The following PARD3 variants were observed in gnomAD, a reference collection of about 807,000 sequenced individuals.
PARD3 encodes the protein partitioning defective 3 homolog.
A neutral mutation model predicts 155.4 loss-of-function variants in PARD3; 75 were observed. The ratio of observed to expected loss-of-function variants is 0.48; its 90% confidence interval spans 0.40 to 0.58. PARD3 has a LOEUF of 0.58. Ranked by LOEUF, PARD3 falls within the 20% of genes least tolerant of loss-of-function variation. The pLI is 0.00. For synonymous variants in PARD3, 576 were observed against 610.5 expected, an observed-to-expected ratio of 0.94 and a Z score of 0.83; for missense variants, 1,642 against 1,721.7, an observed-to-expected ratio of 0.95 and a Z score of 0.82.
At chr10:34,638,731 A>T (rs2092569175) in intron 2 of PARD3, among the ~76,000 whole-genome samples, 1 of 152,206 alleles carries the variant, frequency 6.6e-6, no homozygotes, top group Non-Finnish European at 1.5e-5. Flanking sequence ...AAAACAGCTC[A>T]ACTATTTATC....
intron 3 of PARD3, among the ~76,000 whole-genome samples, chr10:34,510,660 A>G (rs1057003187): frequency 2.0e-5 from 3 of 152,102 alleles, no homozygotes; most frequent in South Asian, 4.1e-4. Flanking sequence ...CCTTCAAACT[A>G]CTAAGAAGTG....
intron 5 of PARD3, among the ~76,000 whole-genome samples, chr10:34,447,574 G>A (rs911256496): frequency 1.0e-4 from 15 of 148,830 alleles, no homozygotes; most frequent in Admixed American, 1.4e-4. Context: ...AGGCCGAGGC[G>A]GGCAGATCAT....
At chr10:34,303,529 A>G (rs1013035739) in intron 20 of PARD3, among the ~76,000 whole-genome samples, 16 of 152,240 alleles carry the variant, frequency 1.1e-4, no homozygotes, top group South Asian at 6.2e-4. Flanking sequence ...TTTAAAAAGG[A>G]AAGAAATCTG....
intron 3 of PARD3, among the ~76,000 whole-genome samples, chr10:34,513,882 G>T (rs538876235): frequency 6.6e-6 from 1 of 152,132 alleles, no homozygotes; most frequent in African/African-American, 2.4e-5. Context: ...AACTCCACCA[G>T]TTGTCACAAC....
chr10:34,775,012 C>T (rs985797017), intron 1 of PARD3, among the ~76,000 whole-genome samples: 1 of 152,100 alleles, frequency 6.6e-6, no homozygotes, highest in African/African-American at 2.4e-5. Flanking sequence ...CTGAAGTCAC[C>T]GCTGTGAAAA....
At chr10:34,250,670 A>C (rs1004555128) in intron 22 of PARD3, among the ~76,000 whole-genome samples, 2 of 84,200 alleles carry the variant, frequency 2.4e-5, no homozygotes, top group African/African-American at 3.0e-4. Context: ...GCTGGAAATA[A>C]AAAAAAAAAA....
chr10:34,752,445 A>G (rs1165634017), intron 1 of PARD3, among the ~76,000 whole-genome samples: 1 of 152,124 alleles, frequency 6.6e-6, no homozygotes, highest in Non-Finnish European at 1.5e-5. Context: ...CTACTGCACT[A>G]CTAACACAGT....
chr10:34,432,827 A>C (rs969923099), intron 5 of PARD3, among the ~76,000 whole-genome samples: 1 of 152,170 alleles, frequency 6.6e-6, no homozygotes, highest in East Asian at 1.9e-4. Flanking sequence ...AAGTAACATA[A>C]AAGTTCACCA....
At chr10:34,555,310 T>C (rs750773966) in intron 2 of PARD3, among the ~76,000 whole-genome samples, 15 of 152,162 alleles carry the variant, frequency 9.9e-5, no homozygotes, top group Non-Finnish European at 1.9e-4. Context: ...TTAAGGCCCT[T>C]TGAATGTTAC....
intron 21 of PARD3, among the ~76,000 whole-genome samples, chr10:34,271,175 T>C (rs1002955896): frequency 2.0e-5 from 3 of 151,754 alleles, no homozygotes; most frequent in African/African-American, 4.8e-5. Context: ...AAACAATACA[T>C]AAACATATAT....
chr10:34,577,689 A>G (rs2087011440), intron 2 of PARD3, among the ~76,000 whole-genome samples: 1 of 152,206 alleles, frequency 6.6e-6, no homozygotes, highest in Admixed American at 6.5e-5. Context: ...AAATTTCATC[A>G]CTAACTCCAC....
At chr10:34,622,575 A>T (rs1400012264) in intron 2 of PARD3, among the ~76,000 whole-genome samples, 1 of 152,212 alleles carries the variant, frequency 6.6e-6, no homozygotes, top group Non-Finnish European at 1.5e-5. Flanking sequence ...ATGAGTTTGT[A>T]TTTGTAAGCA....
At position 34,334,738 on chromosome 10, in the gene PARD3, A is replaced by C. The variant is rs1835980191; in HGVS notation, c.2605+1461T>G. Among the ~76,000 whole-genome samples, 3 of 41,558 alleles carry C rather than the reference A, an allele frequency of 7.2e-5. No homozygotes were observed. The South Asian group carries it at 2.7e-3, about 38-fold the overall frequency. The allele number at this position is 41,558 out of a possible 152,430, so 27.3% of individuals were successfully genotyped here. ...GGTAGAATAGACTGCACAAAGTGCA[A>C]AAAAAAAAAAAAAAGTTCTTTTTCT... On this transcript the variant is annotated intron_variant, in intron 18 of 24. Coordinates refer to ENST00000374788, the MANE Select transcript of PARD3 (RefSeq NM_001184785.2).
intron 22 of PARD3, among the ~76,000 whole-genome samples, chr10:34,170,055 T>A (rs1949715535): frequency 6.6e-6 from 1 of 152,186 alleles, no homozygotes; most frequent in East Asian, 1.9e-4. Flanking sequence ...TTATTAGACG[T>A]TTATAGCTTT....
At chr10:34,308,939 AGTTG>A (rs1957554610) in intron 20 of PARD3, among the ~76,000 whole-genome samples, 1 of 152,132 alleles carries the variant, frequency 6.6e-6, no homozygotes, top group African/African-American at 2.4e-5. Context: ...AAGCTGGCAA[AGTTG>A]GTCTCAAAGG....
intron 1 of PARD3, among the ~76,000 whole-genome samples, chr10:34,786,205 C>G: frequency 6.6e-6 from 1 of 152,244 alleles, no homozygotes; most frequent in Non-Finnish European, 1.5e-5. Flanking sequence ...CCATGAGGCT[C>G]TGTGGAAGCT....
intron 3 of PARD3, among the ~76,000 whole-genome samples, chr10:34,500,648 G>A (rs1307723124): frequency 6.6e-6 from 1 of 152,096 alleles, no homozygotes; most frequent in Non-Finnish European, 1.5e-5. Context: ...AGGCTGAGGT[G>A]GGAGAACAGC....
At chr10:34,507,104 C>CCCT (rs766297013) in intron 3 of PARD3, among the ~76,000 whole-genome samples, 6 of 152,162 alleles carry the variant, frequency 3.9e-5, no homozygotes, top group Non-Finnish European at 5.9e-5. Flanking sequence ...TGATCTGCAA[C>CCCT]CCTCCAAACA....
At chr10:34,357,222 A>G (rs535951200) in intron 14 of PARD3, among the ~76,000 whole-genome samples, 2 of 152,188 alleles carry the variant, frequency 1.3e-5, no homozygotes, top group Non-Finnish European at 2.9e-5. Context: ...TCTTCAGTTC[A>G]TTTCTGCATT....
Sources: allele counts gnomAD v4.1 joint callset (sites outside exome capture counted in the v4.1 genomes callset), GRCh38; gene constraint gnomAD v4.1.1; transcripts MANE v1.5; gene names NCBI Gene and HGNC (gene_info 2026-07-23, HGNC 2026-07-21).